The following CADM2 variants were observed in gnomAD, a reference collection of about 807,000 sequenced individuals.
The protein encoded by CADM2 is immunoglobulin superfamily member 4D.
In CADM2, 12 loss-of-function variants were observed where a neutral mutation model predicts 49.8. That is an observed-to-expected ratio of 0.24 (90% CI 0.15 to 0.39). The LOEUF is 0.39. Among genes scored for constraint, CADM2 ranks in the 10% least tolerant of loss-of-function variants. The probability of loss-of-function intolerance (pLI) is 1.00; values close to 1 mark genes in which losing one functional copy is unlikely to be tolerated. For synonymous variants in CADM2, 214 were observed against 175.4 expected, an observed-to-expected ratio of 1.22 and a Z score of -1.74; for missense variants, 378 against 492.3, an observed-to-expected ratio of 0.77 and a Z score of 2.20.
chr3:85,329,612 A>G (rs1182019570), intron 1 of CADM2, among the ~76,000 whole-genome samples: 1 of 152,054 alleles, frequency 6.6e-6, no homozygotes, highest in Non-Finnish European at 1.5e-5. Context: ...AACAAACAAA[A>G]AAACAAATAC....
chr3:85,351,011 C>G (rs1349868151), intron 1 of CADM2, among the ~76,000 whole-genome samples: 1 of 152,074 alleles, frequency 6.6e-6, no homozygotes, highest in Non-Finnish European at 1.5e-5. Flanking sequence ...AAAAAGTAAA[C>G]TCAGATATAC....
Position 86,073,672 on chromosome 3 carries a change from T to C in CADM2, c.*6889T>C, listed in dbSNP as rs1703401074. 1 of 152,048 alleles carries C rather than the reference T, an allele frequency of 6.6e-6. No homozygotes were observed. The highest frequency in any genetic ancestry group is 6.6e-5 in the Admixed American group (1 of 15,260). The allele number at this position is 152,048 out of a possible 1,614,324, so 9.4% of individuals were successfully genotyped here. ...CTGTTGGACATTACTGAATTGTCTA[T>C]TCATTTAGTACATTTTCTTAACCTT... On this transcript the variant is annotated 3_prime_UTR_variant, in exon 10 of 10. Transcript: ENST00000383699.
At chr3:85,922,270 T>A (rs193053206) in intron 6 of CADM2, among the ~76,000 whole-genome samples, 1 of 151,908 alleles carries the variant, frequency 6.6e-6, no homozygotes, top group South Asian at 2.1e-4. Context: ...TTTGTAATTA[T>A]AAATTGTTGT....
chr3:85,263,194 G>C (rs922001921), intron 1 of CADM2, among the ~76,000 whole-genome samples: 2 of 151,788 alleles, frequency 1.3e-5, no homozygotes, highest in East Asian at 3.9e-4. Flanking sequence ...GGGTTTCACC[G>C]TGTTGCCCAG....
At chr3:85,123,574 A>G (rs1000356292) in intron 1 of CADM2, among the ~76,000 whole-genome samples, 2 of 152,140 alleles carry the variant, frequency 1.3e-5, no homozygotes, top group African/African-American at 4.8e-5. Context: ...ATTTAAGTGG[A>G]TGATTTTCTT....
chr3:85,375,630 A>C (rs2033550263), intron 1 of CADM2, among the ~76,000 whole-genome samples: 1 of 152,222 alleles, frequency 6.6e-6, no homozygotes, highest in African/African-American at 2.4e-5. Context: ...AACAGAAAAC[A>C]AAACTTGAAA....
At chr3:85,482,684 G>A (rs2107630248) in intron 1 of CADM2, among the ~76,000 whole-genome samples, 1 of 151,586 alleles carries the variant, frequency 6.6e-6, no homozygotes, top group East Asian at 1.9e-4. Flanking sequence ...CACCTCCTTA[G>A]GTTAATATTC....
chr3:85,982,458 A>T lies in CADM2; in HGVS notation c.970+20811A>T, dbSNP rs190152282. Among the ~76,000 whole-genome samples the T allele has an allele frequency of 7.4e-3, 1,130 of 151,722 alleles. 72 individuals are homozygous for T. Among genetic ancestry groups the T allele is most frequent in the Admixed American group, 0.071 (1,078 of 15,140 alleles). ...ATATTTTTTTAAAAAGTTTTTTTGT[A>T]AGCTGGGAAGTTCATATTATCTATT... On this transcript the variant is annotated intron_variant, in intron 8 of 9. Coordinates refer to ENST00000383699, the MANE Select transcript of CADM2 (RefSeq NM_001167675.2).
In CADM2 at chr3:85,872,183, G is replaced by A. The variant is rs549221606; in HGVS notation, c.239-11108G>A. Among the ~76,000 whole-genome samples, 5 of 152,276 alleles carry A rather than the reference G, an allele frequency of 3.3e-5. No homozygotes were observed. In the South Asian group the frequency reaches 1.0e-3, roughly 32 times the overall value. On this transcript the variant is annotated intron_variant, in intron 3 of 9. Transcript: ENST00000383699. The stretch of plus-strand genomic sequence containing the variant: ...GATCTCAAAGATTCATATGACAGTG[G>A]TGGAGTCAGCAAGTACAGAAGACTT...
chr3:86,027,482 A>T (rs1262742131), intron 8 of CADM2, among the ~76,000 whole-genome samples: 4 of 152,146 alleles, frequency 2.6e-5, no homozygotes, highest in Non-Finnish European at 5.9e-5. Context: ...TAATGCACAG[A>T]TGCTCTTAAT....
intron 1 of CADM2, among the ~76,000 whole-genome samples, chr3:85,364,409 G>C (rs2032592221): frequency 6.6e-6 from 1 of 152,162 alleles, no homozygotes; most frequent in Admixed American, 6.5e-5. Context: ...GGGTTTTCAA[G>C]AGGTGTTTTT....
intron 1 of CADM2, among the ~76,000 whole-genome samples, chr3:85,443,593 T>C (rs1386299138): frequency 6.6e-6 from 1 of 152,162 alleles, no homozygotes; most frequent in African/African-American, 2.4e-5. Flanking sequence ...AACTTTTCTA[T>C]TTCTCATTTT....
chr3:85,371,661 A>ATATG (rs1553714820), intron 1 of CADM2, among the ~76,000 whole-genome samples: 8 of 53,486 alleles, frequency 1.5e-4, no homozygotes, highest in East Asian at 1.4e-3. Flanking sequence ...ATATATATAT[A>ATATG]TGTGTGTGTG....
chr3:85,420,273 T>C (rs1262151394), intron 1 of CADM2, among the ~76,000 whole-genome samples: 2 of 152,234 alleles, frequency 1.3e-5, no homozygotes, highest in Non-Finnish European at 2.9e-5. Context: ...CTCTTGACTT[T>C]ATAGATGCAT....
At chr3:85,463,350 G>C (rs1202743815) in intron 1 of CADM2, among the ~76,000 whole-genome samples, 1 of 152,082 alleles carries the variant, frequency 6.6e-6, no homozygotes, top group African/African-American at 2.4e-5. Context: ...ATTGCAAGCT[G>C]AGAGGAACTG....
At chr3:86,056,006 C>T (rs1737940583) in intron 8 of CADM2, among the ~76,000 whole-genome samples, 1 of 152,154 alleles carries the variant, frequency 6.6e-6, no homozygotes, top group South Asian at 2.1e-4. Flanking sequence ...GCTGACTTTT[C>T]TCAGCAGCAA....
intron 1 of CADM2, among the ~76,000 whole-genome samples, chr3:85,358,075 G>A (rs1158892280): frequency 6.6e-6 from 1 of 152,074 alleles, no homozygotes; most frequent in Non-Finnish European, 1.5e-5. Flanking sequence ...CATTTTGGCA[G>A]GAATATTCTT....
chr3:85,074,905 AG>A (rs2036884783), intron 1 of CADM2, among the ~76,000 whole-genome samples: 1 of 151,892 alleles, frequency 6.6e-6, no homozygotes, highest in Non-Finnish European at 1.5e-5. Context: ...AATCCTACTC[AG>A]AGGTATTCCT....
intron 1 of CADM2, among the ~76,000 whole-genome samples, chr3:85,277,414 G>C (rs1454354739): frequency 1.3e-5 from 2 of 151,162 alleles, no homozygotes; most frequent in Non-Finnish European, 3.0e-5. Context: ...TCTTTAGAAG[G>C]TTCATTTATT....
Sources: allele counts gnomAD v4.1 joint callset (sites outside exome capture counted in the v4.1 genomes callset), GRCh38; gene constraint gnomAD v4.1.1; transcripts MANE v1.5; gene names NCBI Gene and HGNC (gene_info 2026-07-23, HGNC 2026-07-21).